Variants in TUSC3 observed in about 807,000 individuals in gnomAD.
TUSC3 encodes tumor suppressor candidate 3, also known as dolichyl-diphosphooligosaccharide--protein glycosyltransferase subunit TUSC3.
TUSC3 carries 45 observed loss-of-function variants against 44.8 expected under a neutral mutation model. The ratio of observed to expected loss-of-function variants is 1.00; its 90% CI spans 0.79 to 1.29. The LOEUF is 1.29. TUSC3 is among the 50% of genes most tolerant of loss of function. The pLI is 0.00. For missense variants in TUSC3, 519 were observed against 437.9 expected (o/e 1.19, Z -1.65); for synonymous variants, 212 against 152.9 (o/e 1.39, Z -2.85).
chr8:15,510,587 G>A (rs993539939), intron 2 of TUSC3, among the ~76,000 whole-genome samples: 2 of 152,130 alleles, frequency 1.3e-5, no homozygotes, highest in African/African-American at 4.8e-5. Flanking sequence ...ATATCAGTTT[G>A]TAGTTAAAAA....
chr8:15,526,524 T>C (rs181208132), intron 2 of TUSC3, among the ~76,000 whole-genome samples: 2 of 152,254 alleles, frequency 1.3e-5, no homozygotes, highest in East Asian at 3.9e-4. Flanking sequence ...GTTTCCCCCA[T>C]ACTGTTCTCC....
upstream of TUSC3, among the ~76,000 whole-genome samples, chr8:15,537,766 C>G (rs769039914): frequency 1.3e-5 from 2 of 152,006 alleles, no homozygotes; most frequent in Non-Finnish European, 2.9e-5. Flanking sequence ...AGTACCATTG[C>G]TTACAATAAA....
At chr8:15,813,879 C>A in the TUSC3 span, among the ~76,000 whole-genome samples, 1 of 152,084 alleles carries the variant, frequency 6.6e-6, no homozygotes, top group African/African-American at 2.4e-5. Context: ...ACAGTCTTCA[C>A]AGCCAGTCTG....
chr8:15,647,641 T>C (rs1014607398), intron 2 of TUSC3, among the ~76,000 whole-genome samples: 2 of 152,178 alleles, frequency 1.3e-5, no homozygotes, highest in Non-Finnish European at 2.9e-5. Context: ...CAGTGCTCTA[T>C]CATAGTCTTA....
At chr8:15,690,239 A>G (rs547259586) in intron 6 of TUSC3, among the ~76,000 whole-genome samples, 43 of 151,768 alleles carry the variant, frequency 2.8e-4, no homozygotes, top group Non-Finnish European at 5.9e-4. Context: ...TGTGGTTTTG[A>G]TTTGCATTTC....
intron 1 of TUSC3, among the ~76,000 whole-genome samples, chr8:15,451,807 G>C (rs1800199959): frequency 6.6e-6 from 1 of 152,064 alleles, no homozygotes; most frequent in Non-Finnish European, 1.5e-5. Flanking sequence ...TGTCTGAGTT[G>C]AGTTAAATGG....
intron 1 of TUSC3, among the ~76,000 whole-genome samples, chr8:15,611,880 T>A (rs1804777396): frequency 6.6e-6 from 1 of 152,214 alleles, no homozygotes; most frequent in African/African-American, 2.4e-5. Flanking sequence ...AAGATCGAAT[T>A]TCCAACATGG....
chr8:15,663,184 G>T (rs940789759), intron 5 of TUSC3, among the ~76,000 whole-genome samples: 2 of 151,322 alleles, frequency 1.3e-5, no homozygotes, highest in Admixed American at 1.3e-4. Flanking sequence ...AAATCTAACA[G>T]AAAATGTATG....
chr8:15,698,840 C>G (rs1203613215), intron 6 of TUSC3, among the ~76,000 whole-genome samples: 1 of 144,660 alleles, frequency 6.9e-6, no homozygotes, highest in East Asian at 2.1e-4. Context: ...ATGGACCATT[C>G]TCTTTTTTTC....
chr8:15,668,354 T>G (rs1405230828), intron 5 of TUSC3, among the ~76,000 whole-genome samples: 4 of 151,776 alleles, frequency 2.6e-5, no homozygotes, highest in Non-Finnish European at 5.9e-5. Flanking sequence ...AGTCTTAGAA[T>G]AGTGATTCTT....
chr8:15,753,297 G>A (rs1811784384), intron 9 of TUSC3, among the ~76,000 whole-genome samples: 1 of 151,964 alleles, frequency 6.6e-6, no homozygotes, highest in Admixed American at 6.6e-5. Context: ...GCTCTTTTGA[G>A]AACTGTCATT....
At chr8:15,823,369 A>G in the TUSC3 span, among the ~76,000 whole-genome samples, 1 of 152,182 alleles carries the variant, frequency 6.6e-6, no homozygotes, top group African/African-American at 2.4e-5. Context: ...GGACTGCCTC[A>G]TTTCAAAACT....
the TUSC3 span, among the ~76,000 whole-genome samples, chr8:15,803,008 A>G: frequency 8.4e-4 from 128 of 152,330 alleles, 1 homozygote; most frequent in African/African-American, 2.4e-3. Context: ...TAAACAACTT[A>G]TGGTAATATT....
At chr8:15,603,958 A>G (rs1804412416) in intron 1 of TUSC3, among the ~76,000 whole-genome samples, 2 of 151,656 alleles carry the variant, frequency 1.3e-5, no homozygotes, top group Admixed American at 1.3e-4. Context: ...GAATAATGAT[A>G]ATGATTCTAT....
intron 2 of TUSC3, among the ~76,000 whole-genome samples, chr8:15,627,024 T>G (rs972343135): frequency 4.0e-5 from 6 of 151,862 alleles, no homozygotes; most frequent in African/African-American, 1.5e-4. Context: ...TGGGAAAGTG[T>G]GGTACTTTTT....
At chr8:15,587,557 T>C (rs1803650907) in intron 1 of TUSC3, among the ~76,000 whole-genome samples, 3 of 152,186 alleles carry the variant, frequency 2.0e-5, no homozygotes. Context: ...ATATTTATCA[T>C]GTCTTTGTAT....
At chr8:15,784,632 G>C in the TUSC3 span, among the ~76,000 whole-genome samples, 1 of 151,922 alleles carries the variant, frequency 6.6e-6, no homozygotes, top group Non-Finnish European at 1.5e-5. Flanking sequence ...GAATCTAGAG[G>C]ACATTATGCT....
chr8:15,780,122 T>TCA, the TUSC3 span, among the ~76,000 whole-genome samples: 42 of 152,316 alleles, frequency 2.8e-4, no homozygotes, highest in African/African-American at 9.9e-4. Flanking sequence ...CTGACTTCAC[T>TCA]CACACAGATG....
At chr8:15,780,330 G>T in the TUSC3 span, among the ~76,000 whole-genome samples, 1 of 152,160 alleles carries the variant, frequency 6.6e-6, no homozygotes, top group African/African-American at 2.4e-5. Flanking sequence ...TGTTCCCTGA[G>T]GGGAGGAGAG....
Sources: gnomAD v4.1 joint callset for allele counts (sites outside exome capture counted in the v4.1 genomes callset) on GRCh38, gnomAD v4.1.1 for gene constraint, MANE v1.5 for transcripts, NCBI Gene and HGNC (gene_info 2026-07-23, HGNC 2026-07-21) for gene names.